The following SGK3 variants were observed in gnomAD, a reference collection of about 807,000 sequenced individuals.
SGK3 encodes serine/threonine-protein kinase Sgk3.
Under a neutral mutation model 68.5 loss-of-function variants are expected in SGK3, and 47 were observed. The observed-to-expected ratio is 0.69, with a 90% CI of 0.54 to 0.87. SGK3 has a LOEUF of 0.87. Among genes scored for constraint, SGK3 ranks in the 40% least tolerant of loss-of-function variants. SGK3 has a pLI of 0.00. For synonymous variants in SGK3, 181 were observed against 189.1 expected, an observed-to-expected ratio of 0.96 and a Z score of 0.35; for missense variants, 479 against 575.5, an observed-to-expected ratio of 0.83 and a Z score of 1.72.
At chr8:66,773,288 T>C (rs1806575177) in intron 1 of SGK3, among the ~76,000 whole-genome samples, 1 of 152,068 alleles carries the variant, frequency 6.6e-6, no homozygotes. Flanking sequence ...GCAGTGAAAA[T>C]GGAAGAGTCA....
intron 1 of SGK3, among the ~76,000 whole-genome samples, chr8:66,788,719 T>C (rs1807311345): frequency 6.6e-6 from 1 of 152,198 alleles, no homozygotes; most frequent in African/African-American, 2.4e-5. Flanking sequence ...TTTCTCTCAC[T>C]TGAGGTGGGA....
intron 1 of SGK3, among the ~76,000 whole-genome samples, chr8:66,778,383 G>A (rs1415142679): frequency 1.3e-5 from 2 of 152,090 alleles, no homozygotes; most frequent in East Asian, 1.9e-4. Context: ...GGCAAGCTCC[G>A]CCTCCCGGGT....
intron 8 of SGK3, among the ~76,000 whole-genome samples, chr8:66,833,605 A>G (rs1299970453): frequency 1.3e-5 from 2 of 152,222 alleles, no homozygotes; most frequent in Non-Finnish European, 2.9e-5. Flanking sequence ...TCTTTACAAT[A>G]TTGTGTTGTC....
intron 3 of SGK3, among the ~76,000 whole-genome samples, chr8:66,799,363 T>G (rs1807832612): frequency 6.6e-6 from 1 of 152,158 alleles, no homozygotes; most frequent in South Asian, 2.1e-4. Context: ...CCCACTGCAC[T>G]GCCATCTGGG....
At chr8:66,785,675 T>C (rs1221483341) in intron 1 of SGK3, among the ~76,000 whole-genome samples, 2 of 152,222 alleles carry the variant, frequency 1.3e-5, no homozygotes, top group Non-Finnish European at 2.9e-5. Flanking sequence ...CTAGCTGTTA[T>C]ATTACCCTTG....
chr8:66,804,044 C>G (rs1293404378), intron 3 of SGK3, among the ~76,000 whole-genome samples: 1 of 152,148 alleles, frequency 6.6e-6, no homozygotes, highest in Non-Finnish European at 1.5e-5. Context: ...AGCCTTAGCA[C>G]TTGCCATACA....
intron 1 of SGK3, among the ~76,000 whole-genome samples, chr8:66,745,448 C>G (rs960349157): frequency 2.0e-5 from 3 of 152,064 alleles, no homozygotes; most frequent in African/African-American, 7.2e-5. Flanking sequence ...GTGGCGGGCG[C>G]CTGTAGTCCC....
At chr8:66,771,294 C>T (rs950593234) in intron 1 of SGK3, among the ~76,000 whole-genome samples, 4 of 152,118 alleles carry the variant, frequency 2.6e-5, no homozygotes, top group South Asian at 2.1e-4. Flanking sequence ...AAAGGTTTGC[C>T]GTGACTAGTG....
chr8:66,803,209 C>T (rs1017442679), intron 3 of SGK3, among the ~76,000 whole-genome samples: 3 of 152,094 alleles, frequency 2.0e-5, no homozygotes, highest in African/African-American at 4.8e-5. Flanking sequence ...CATTTGTTTA[C>T]GTATTTTTCA....
chr8:66,723,400 C>A (rs1001544504), intron 1 of SGK3, among the ~76,000 whole-genome samples: 2 of 151,224 alleles, frequency 1.3e-5, no homozygotes, highest in Non-Finnish European at 2.9e-5. Context: ...GCCAAGATCA[C>A]GCCATTGCAC....
intron 1 of SGK3, among the ~76,000 whole-genome samples, chr8:66,715,161 G>T (rs910214245): frequency 6.6e-6 from 1 of 151,994 alleles, no homozygotes; most frequent in Non-Finnish European, 1.5e-5. Flanking sequence ...AAATAGGTTG[G>T]GTATTTTTTT....
chr8:66,785,453 C>T (rs551669026), intron 1 of SGK3, among the ~76,000 whole-genome samples: 3 of 152,310 alleles, frequency 2.0e-5, no homozygotes, highest in Admixed American at 1.3e-4. Context: ...ATATTTATTT[C>T]TCAACCTTCA....
chr8:66,807,267 T>C (rs1273149338), intron 4 of SGK3, among the ~76,000 whole-genome samples: 6 of 152,176 alleles, frequency 3.9e-5, no homozygotes, highest in East Asian at 1.9e-4. Flanking sequence ...CAGAAAAATA[T>C]TAAGAAATCA....
intron 14 of SGK3, among the ~76,000 whole-genome samples, chr8:66,843,751 T>C (rs1585802830): frequency 6.6e-6 from 1 of 152,188 alleles, no homozygotes; most frequent in Non-Finnish European, 1.5e-5. Context: ...CCCAGCACTT[T>C]GGGAGGCCAA....
chr8:66,740,664 C>T (rs887246393), intron 1 of SGK3, among the ~76,000 whole-genome samples: 6 of 152,020 alleles, frequency 3.9e-5, no homozygotes, highest in African/African-American at 7.2e-5. Flanking sequence ...CCCAGCACTT[C>T]GGGAGGCCGA....
intron 8 of SGK3, among the ~76,000 whole-genome samples, chr8:66,834,165 AATCT>A (rs1809413989): frequency 6.6e-6 from 1 of 152,256 alleles, no homozygotes; most frequent in South Asian, 2.1e-4. Flanking sequence ...TAAATAATCT[AATCT>A]ATCAGCAAGA....
chr8:66,793,438 A>G (rs1244436272), intron 1 of SGK3, among the ~76,000 whole-genome samples, 178 bp from the exon 2 acceptor site: 3 of 152,184 alleles, frequency 2.0e-5, no homozygotes, highest in Non-Finnish European at 2.9e-5. Flanking sequence ...TGGGCTGCAG[A>G]TATTTGTGGC....
At chr8:66,733,553 G>A (rs1805230062) in intron 1 of SGK3, among the ~76,000 whole-genome samples, 1 of 152,096 alleles carries the variant, frequency 6.6e-6, no homozygotes, top group South Asian at 2.1e-4. Context: ...ATAAATGTTG[G>A]CTGATATTAA....
At chr8:66,743,816 A>T (rs1464708220) in intron 1 of SGK3, among the ~76,000 whole-genome samples, 1 of 152,132 alleles carries the variant, frequency 6.6e-6, no homozygotes, top group Non-Finnish European at 1.5e-5. Flanking sequence ...CCGAGAGCTA[A>T]TTTTTTTTGT....
Sources: allele counts gnomAD v4.1 joint callset (sites outside exome capture counted in the v4.1 genomes callset), GRCh38; gene constraint gnomAD v4.1.1; transcripts MANE v1.5; gene names NCBI Gene and HGNC (gene_info 2026-07-23, HGNC 2026-07-21).